Variants in STX18 observed in about 807,000 individuals in gnomAD.
STX18 encodes syntaxin-18.
In STX18, 40 loss-of-function variants were observed where a neutral mutation model predicts 50.1. That is an observed-to-expected ratio of 0.80 (90% CI 0.62 to 1.04). STX18 has a LOEUF of 1.04. Among genes scored for constraint, STX18 ranks in the 50% least tolerant of loss-of-function variants. The pLI is 0.00. For missense variants in STX18, 410 were observed against 415.8 expected, an observed-to-expected ratio of 0.99 and a Z score of 0.12; for synonymous variants, 158 against 151.8, an observed-to-expected ratio of 1.04 and a Z score of -0.30.
rs900519493 is a variant in STX18, at chr4:4,419,571, C to G, written c.*463G>C. The G allele has an allele frequency of 6.5e-6, 1 of 154,426 alleles. No homozygotes were observed. Among genetic ancestry groups the G allele is most frequent in the Non-Finnish European group, 1.4e-5 (1 of 69,486 alleles). 9.6% of individuals were successfully genotyped at this position (154,426 alleles called of 1,614,324 possible). On this transcript the variant is annotated 3_prime_UTR_variant, in exon 11 of 11. Transcript: ENST00000306200. ...CTGTGTATTCGTTGACTCAGACAGA[C>G]AAGAAGCCACAAGGAAACAAAGAAG...
At chr4:4,443,833 A>C (rs191972319) in intron 5 of STX18, among the ~76,000 whole-genome samples, 39 of 152,376 alleles carry the variant, frequency 2.6e-4, no homozygotes, top group African/African-American at 9.1e-4. Context: ...GAAAAAGTCA[A>C]GATCCTCTGA....
intron 1 of STX18, chr4:4,507,641 C>A: frequency 1.3e-6 from 1 of 774,572 alleles, no homozygotes. Flanking sequence ...TTCACGTGAA[C>A]TGGATGGCAG....
chr4:4,536,012 C>T (rs553338543), intron 1 of STX18, among the ~76,000 whole-genome samples: 1 of 152,346 alleles, frequency 6.6e-6, no homozygotes, highest in South Asian at 2.1e-4. Context: ...AAAAAAGTTA[C>T]AGTTGTTACT....
intron 5 of STX18, among the ~76,000 whole-genome samples, chr4:4,449,736 G>C (rs1726647843): frequency 6.6e-6 from 1 of 152,160 alleles, no homozygotes; most frequent in Admixed American, 6.5e-5. Flanking sequence ...GTACCAGGGG[G>C]AGCAGTGCTT....
chr4:4,504,524 T>C (rs1577382390), intron 1 of STX18, among the ~76,000 whole-genome samples: 1 of 152,250 alleles, frequency 6.6e-6, no homozygotes, highest in East Asian at 1.9e-4. Flanking sequence ...GAAGGAAAAG[T>C]GAAGTTAAAT....
intron 1 of STX18, among the ~76,000 whole-genome samples, chr4:4,519,758 C>T (rs949623048): frequency 1.3e-5 from 2 of 152,228 alleles, no homozygotes; most frequent in South Asian, 2.1e-4. Flanking sequence ...AATTATTGAA[C>T]AAGAAAATTG....
chr4:4,422,719 C>T (rs561261948), intron 9 of STX18, among the ~76,000 whole-genome samples: 3 of 152,286 alleles, frequency 2.0e-5, no homozygotes, highest in East Asian at 1.9e-4. Context: ...TTAAAAAGGG[C>T]GACTCCTATG....
intron 1 of STX18, among the ~76,000 whole-genome samples, chr4:4,529,481 C>T (rs1026059694): frequency 6.9e-6 from 1 of 144,108 alleles, no homozygotes; most frequent in Non-Finnish European, 1.5e-5. Context: ...ATGTATGCAC[C>T]AAAATATGCT....
At chr4:4,466,277 G>C (rs1727618003) in intron 2 of STX18, among the ~76,000 whole-genome samples, 1 of 152,128 alleles carries the variant, frequency 6.6e-6, no homozygotes, top group African/African-American at 2.4e-5. Flanking sequence ...GGAGTGAAGA[G>C]CAACAGGCCA....
intron 1 of STX18, among the ~76,000 whole-genome samples, chr4:4,484,460 T>C (rs1030543881): frequency 6.6e-6 from 1 of 152,198 alleles, no homozygotes; most frequent in Non-Finnish European, 1.5e-5. Flanking sequence ...TAGGTCTTCA[T>C]TATATGCACA....
At chr4:4,495,563 C>CTTTTT (rs35298335) in intron 1 of STX18, among the ~76,000 whole-genome samples, 76 of 129,886 alleles carry the variant, frequency 5.9e-4, no homozygotes, top group Non-Finnish European at 8.6e-4. Flanking sequence ...TTTTTCTTTT[C>CTTTTT]TTTTTTTTTT....
intron 1 of STX18, among the ~76,000 whole-genome samples, chr4:4,541,400 T>C (rs751918095): frequency 5.9e-5 from 9 of 152,078 alleles, no homozygotes; most frequent in Non-Finnish European, 1.0e-4. Context: ...GACAAGTAAA[T>C]AGAACAGGCA....
chr4:4,531,027 T>C (rs1259393726), intron 1 of STX18, among the ~76,000 whole-genome samples: 1 of 152,234 alleles, frequency 6.6e-6, no homozygotes, highest in Admixed American at 6.5e-5. Flanking sequence ...TATTTTAATG[T>C]ATGTATGAAA....
rs146396706 is a variant in STX18 at position 4,485,855 on chromosome 4, T to C, written c.169-14149A>G. ...TCTCCTGCTCCCAAAGCTCTCCTTT[T>C]TCTCGATGCTACTGGTACTTTCCTG... On this transcript the variant is annotated intron_variant, in intron 1 of 10. Transcript: ENST00000306200. Among the ~76,000 whole-genome samples the C allele has an allele frequency of 9.2e-3, 1,406 of 152,308 alleles. 12 individuals are homozygous for C. The highest frequency in any genetic ancestry group is 0.017 in the Middle Eastern group (5 of 294).
At chr4:4,522,842 A>C (rs973694257) in intron 1 of STX18, among the ~76,000 whole-genome samples, 5 of 152,220 alleles carry the variant, frequency 3.3e-5, no homozygotes, top group African/African-American at 9.6e-5. Flanking sequence ...GAACTAGCAG[A>C]GTTTCCAGAA....
chr4:4,447,585 C>T (rs1257795953), intron 5 of STX18, among the ~76,000 whole-genome samples: 2 of 90,540 alleles, frequency 2.2e-5, no homozygotes, highest in South Asian at 4.2e-4. Flanking sequence ...AGCGAGACTC[C>T]GTCTCACAAA....
At chr4:4,533,807 C>A (rs751367201) in intron 1 of STX18, among the ~76,000 whole-genome samples, 82 of 152,200 alleles carry the variant, frequency 5.4e-4, no homozygotes, top group Non-Finnish European at 6.3e-4. Context: ...ACTGCCAACT[C>A]AAAAGTGAGG....
chr4:4,466,249 A>C (rs1727616218), intron 2 of STX18, among the ~76,000 whole-genome samples: 1 of 152,078 alleles, frequency 6.6e-6, no homozygotes, highest in African/African-American at 2.4e-5. Context: ...GCATGTGAAC[A>C]TGTGACATGT....
intron 5 of STX18, among the ~76,000 whole-genome samples, chr4:4,442,826 C>A (rs1726194663): frequency 6.8e-6 from 1 of 147,304 alleles, no homozygotes; most frequent in Non-Finnish European, 1.5e-5. Context: ...AAAAAAGCCC[C>A]ACCATAGGTA....
Sources: gnomAD v4.1 joint callset for allele counts (sites outside exome capture counted in the v4.1 genomes callset) on GRCh38, gnomAD v4.1.1 for gene constraint, MANE v1.5 for transcripts, NCBI Gene and HGNC (gene_info 2026-07-23, HGNC 2026-07-21) for gene names.